Variants in GLCCI1 observed in about 807,000 individuals in gnomAD.
GLCCI1 encodes glucocorticoid-induced transcript 1 protein.
GLCCI1 carries 24 observed loss-of-function variants against 52.2 expected under a neutral mutation model. That is an observed-to-expected ratio of 0.46 (90% CI 0.33 to 0.65). The LOEUF is 0.65. GLCCI1 is among the 30% of genes least tolerant of loss of function. The probability of loss-of-function intolerance (pLI) is 0.02; values close to 1 mark genes in which losing one functional copy is unlikely to be tolerated. For synonymous variants in GLCCI1, 310 were observed against 276.5 expected, an observed-to-expected ratio of 1.12 and a Z score of -1.20; for missense variants, 704 against 701.5, an observed-to-expected ratio of 1.00 and a Z score of -0.04.
chr7:8,049,176 G>A (rs1002132813), intron 3 of GLCCI1, among the ~76,000 whole-genome samples: 24 of 151,990 alleles, frequency 1.6e-4, no homozygotes, highest in African/African-American at 5.8e-4. Flanking sequence ...GATTAGGGAT[G>A]TTTCTTGCTT....
At chr7:8,006,492 A>G (rs567174021) in intron 2 of GLCCI1, among the ~76,000 whole-genome samples, 7 of 152,226 alleles carry the variant, frequency 4.6e-5, no homozygotes, top group Non-Finnish European at 1.0e-4. Flanking sequence ...GTGATTAAGT[A>G]TGATAATATT....
At chr7:8,035,360 G>A (rs1781843561) in intron 3 of GLCCI1, among the ~76,000 whole-genome samples, 2 of 152,202 alleles carry the variant, frequency 1.3e-5, no homozygotes, top group South Asian at 4.1e-4. Flanking sequence ...AAGCACAGAT[G>A]TGGAGAAGGG....
intron 6 of GLCCI1, among the ~76,000 whole-genome samples, chr7:8,075,732 C>A (rs913036489): frequency 3.9e-5 from 6 of 152,150 alleles, no homozygotes; most frequent in Non-Finnish European, 5.9e-5. Flanking sequence ...TTATTGTAAT[C>A]ATGAAATAAA....
In GLCCI1 at chr7:8,054,106, T is replaced by G. The variant is rs574563430; in HGVS notation, c.697-1327T>G. 3.3e-5 allele frequency among the ~76,000 whole-genome samples: 5 copies of G among 152,306 alleles called. 1 individual carries two copies. In the South Asian group the frequency reaches 8.3e-4, roughly 25 times the overall value. On this transcript the variant is annotated intron_variant, in intron 3 of 7. Transcript: ENST00000223145. The stretch of plus-strand genomic sequence containing the variant: ...TTATTAATCTCTAGGCATTCTGAGC[T>G]CTTTCATATAAGCTCTTTGCAGTTT...
intron 3 of GLCCI1, among the ~76,000 whole-genome samples, chr7:8,045,792 G>T (rs1403658310): frequency 6.6e-6 from 1 of 152,070 alleles, no homozygotes; most frequent in Admixed American, 6.5e-5. Context: ...AACTCCAGAG[G>T]TGTGAGTAAC....
intron 1 of GLCCI1, among the ~76,000 whole-genome samples, chr7:7,991,265 A>G (rs1001921122): frequency 2.6e-5 from 4 of 152,100 alleles, no homozygotes; most frequent in Non-Finnish European, 4.4e-5. Flanking sequence ...TATAAATTGT[A>G]TGTTAAAATA....
intron 6 of GLCCI1, among the ~76,000 whole-genome samples, chr7:8,078,208 T>TA (rs5882151): frequency 0.2 from 16,913 of 86,060 alleles, 2,164 homozygotes; most frequent in African/African-American, 0.33. Flanking sequence ...GACTCCGTCT[T>TA]AAAAAAAAAA....
At chr7:8,055,756 G>C (rs892357625) in intron 4 of GLCCI1, 1 of 354,926 alleles carries the variant, frequency 2.8e-6, no homozygotes, top group Non-Finnish European at 5.3e-6. Flanking sequence ...TTGGGAGGCC[G>C]AGGCGGGCGG....
chr7:8,039,661 A>T (rs1020168920), intron 3 of GLCCI1, among the ~76,000 whole-genome samples: 2 of 152,144 alleles, frequency 1.3e-5, no homozygotes, highest in Non-Finnish European at 2.9e-5. Flanking sequence ...GGGATGAAAA[A>T]TTACCTAATG....
chr7:7,985,147 G>A (rs373586060), intron 1 of GLCCI1, among the ~76,000 whole-genome samples: 1 of 151,966 alleles, frequency 6.6e-6, no homozygotes, highest in African/African-American at 2.4e-5. Flanking sequence ...ATGATTTTGT[G>A]TATATTTGTA....
intron 1 of GLCCI1, among the ~76,000 whole-genome samples, chr7:8,002,612 T>C (rs2115425914): frequency 6.6e-6 from 1 of 152,316 alleles, no homozygotes; most frequent in South Asian, 2.1e-4. Flanking sequence ...GTAAACTATG[T>C]ATTCTGATTT....
chr7:8,089,062 G>C lies in GLCCI1; in HGVS notation c.*2524G>C, dbSNP rs1783178888. On this transcript the variant is annotated 3_prime_UTR_variant, in exon 8 of 8. Coordinates refer to ENST00000223145, the MANE Select transcript of GLCCI1 (RefSeq NM_138426.4). ...AGTTCCTGTGTCTTATTTAAATAAA[G>C]TTATTAGTAAAACTGAAATAGTTCA... The C allele has an allele frequency of 6.6e-6, 1 of 152,484 alleles. No homozygotes were observed. 9.4% of individuals were successfully genotyped at this position (152,484 alleles called of 1,614,324 possible). A position where few individuals can be genotyped will look rare whatever the true frequency, so the allele number is the denominator to read the frequency against.
chr7:7,977,781 A>G (rs1156682449), intron 1 of GLCCI1, among the ~76,000 whole-genome samples: 2 of 152,332 alleles, frequency 1.3e-5, no homozygotes, highest in African/African-American at 2.4e-5. Context: ...GTAGAATCCA[A>G]TATAAGGTAC....
intron 5 of GLCCI1, among the ~76,000 whole-genome samples, chr7:8,065,963 T>A (rs1782622135): frequency 6.6e-6 from 1 of 152,198 alleles, no homozygotes. Context: ...TTGAATAGTT[T>A]CAGTAGGAAT....
intron 1 of GLCCI1, among the ~76,000 whole-genome samples, chr7:7,975,895 C>T (rs772535984): frequency 3.3e-5 from 5 of 152,228 alleles, no homozygotes; most frequent in Middle Eastern, 6.8e-3. Flanking sequence ...GTACTGTCCT[C>T]GAATCACTTT....
intron 2 of GLCCI1, among the ~76,000 whole-genome samples, chr7:8,010,668 G>A (rs1781246293): frequency 6.6e-6 from 1 of 152,038 alleles, no homozygotes; most frequent in Non-Finnish European, 1.5e-5. Context: ...TCATATATTT[G>A]ATGGCAAAAT....
At position 8,087,023 on chromosome 7, in the gene GLCCI1, C is replaced by A; in HGVS notation, c.*485C>A. 1 of 153,296 alleles carries A rather than the reference C, an allele frequency of 6.5e-6. No homozygotes were observed. Among genetic ancestry groups the A allele is most frequent in the Non-Finnish European group, 1.4e-5 (1 of 69,008 alleles). The allele number at this position is 153,296 out of a possible 1,614,324, so 9.5% of individuals were successfully genotyped here. ...AATGGCCACAACAGTTGCACAGTGC[C>A]CACCCTATGGCCTAGCTTCAGGTAC... On this transcript the variant is annotated 3_prime_UTR_variant, in exon 8 of 8. Transcript: ENST00000223145.
rs1189206828 is a variant in GLCCI1, at chr7:8,060,229, G to C, written c.947G>C (p.Gly316Ala). The change falls in exon 5 of 8, where the codon GGG (glycine) becomes GCG (alanine). Residue 316 changes from glycine to alanine, a missense_variant. Gly to Ala is a moderately conservative substitution (Grantham distance 60). Coordinates refer to ENST00000223145, the MANE Select transcript of GLCCI1 (RefSeq NM_138426.4). ...AAGGTATTCATTAAAGAAAATAATG[G>C]GAAGGAAGAAGTATCCAAGGTAAGG... ...LEKVFIKENN[G>A]KEEVSKPLDI... The C allele has an allele frequency of 6.2e-7, 1 of 1,611,058 alleles. No homozygotes were observed. Among genetic ancestry groups the C allele is most frequent in the Non-Finnish European group, 8.5e-7 (1 of 1,177,694 alleles).
intron 4 of GLCCI1, among the ~76,000 whole-genome samples, chr7:8,058,836 G>T (rs372547820): frequency 1.3e-5 from 2 of 152,092 alleles, no homozygotes; most frequent in African/African-American, 2.4e-5. Flanking sequence ...TACTAACAGC[G>T]TACTGTTGCA....
Sources: allele counts gnomAD v4.1 joint callset (sites outside exome capture counted in the v4.1 genomes callset), GRCh38; gene constraint gnomAD v4.1.1; transcripts MANE v1.5; gene names NCBI Gene and HGNC (gene_info 2026-07-23, HGNC 2026-07-21).